Variants in TP53BP1 observed in about 807,000 individuals in gnomAD.
TP53BP1 encodes TP53-binding protein 1.
In TP53BP1, 61 loss-of-function variants were observed where a neutral mutation model predicts 200.8. The ratio of observed to expected loss-of-function variants is 0.30; its 90% CI spans 0.25 to 0.38. TP53BP1 has a LOEUF of 0.38. TP53BP1 is among the 10% of genes least tolerant of loss of function. The pLI, the probability that TP53BP1 is intolerant of heterozygous loss-of-function variation, is 1.00. For synonymous variants in TP53BP1, 822 were observed against 844.3 expected (o/e 0.97, Z 0.46); for missense variants, 2,144 against 2,371.9 (o/e 0.90, Z 2.00).
intron 18 of TP53BP1, among the ~76,000 whole-genome samples, chr15:43,426,916 G>A (rs1290833679): frequency 6.6e-6 from 1 of 151,248 alleles, no homozygotes; most frequent in African/African-American, 2.4e-5. Flanking sequence ...GACTTGGGAG[G>A]CCGAGCCAGG....
intron 26 of TP53BP1, chr15:43,408,302 A>C: frequency 2.0e-6 from 1 of 496,402 alleles, no homozygotes; most frequent in East Asian, 3.6e-5. Flanking sequence ...ATGTGGTGAG[A>C]CCCCATCTCT....
At chr15:43,445,746 G>A (rs562627570) in intron 14 of TP53BP1, among the ~76,000 whole-genome samples, 73 of 151,812 alleles carry the variant, frequency 4.8e-4, no homozygotes, top group Non-Finnish European at 8.8e-4. Context: ...CTGCCTACTC[G>A]CTCCTCAAAT....
rs775096387 is a variant in TP53BP1 at position 43,479,539 on chromosome 15, TA to T, written c.659-14del. 2 of 1,601,384 alleles carry T rather than the reference TA, an allele frequency of 1.2e-6. No homozygotes were observed. The highest frequency in any genetic ancestry group is 2.3e-5 in the South Asian group (2 of 88,312). ...TCATGCTTAATTGCTGAGAGTTTTA[TA>T]AAATGACAGGAAGGAGATAATTAAG... On this transcript the variant is annotated splice_polypyrimidine_tract_variant and intron_variant, in intron 6 of 27. Transcript: ENST00000382044.
chr15:43,477,315 A>G lies in TP53BP1; in HGVS notation c.955+278T>C, dbSNP rs1699393610. On this transcript the variant is annotated intron_variant, in intron 8 of 27. Transcript: ENST00000382044. Reference sequence around the variant, plus strand: ...ACTCCATCTCAAAAAAAAAAAAAAGAAAAAAAGAAAATGGCTAGTATCCAT... The same window carrying G: ...ACTCCATCTCAAAAAAAAAAAAAAGGAAAAAAGAAAATGGCTAGTATCCAT... Among the ~76,000 whole-genome samples the G allele has an allele frequency of 2.0e-5, 3 of 149,854 alleles. No individual in the cohort carries two copies. In the South Asian group the frequency reaches 6.3e-4, roughly 32 times the overall value.
intron 4 of TP53BP1, 132 bp from the exon 5 acceptor site, chr15:43,481,154 GTGCTT>G: frequency 1.1e-6 from 1 of 932,464 alleles, no homozygotes; most frequent in South Asian, 1.9e-5. Context: ...CACCTTTATA[GTGCTT>G]CTTTCTACAA....
At chr15:43,478,970 G>C (rs958129893) in intron 7 of TP53BP1, among the ~76,000 whole-genome samples, 1 of 152,170 alleles carries the variant, frequency 6.6e-6, no homozygotes, top group Non-Finnish European at 1.5e-5. Flanking sequence ...CAGCACTTTG[G>C]GAAGCTGAGG....
chr15:43,488,923 A>G (rs1203540221), intron 4 of TP53BP1, among the ~76,000 whole-genome samples: 1 of 152,156 alleles, frequency 6.6e-6, no homozygotes, highest in African/African-American at 2.4e-5. Context: ...AAGAGATTTC[A>G]TTCTTTTGGA....
intron 4 of TP53BP1, among the ~76,000 whole-genome samples, chr15:43,482,751 T>C (rs757489499): frequency 8.9e-5 from 13 of 146,408 alleles, no homozygotes; most frequent in Non-Finnish European, 1.8e-4. Context: ...CTGGGAGACA[T>C]GGCGAGACTC....
chr15:43,497,125 C>A (rs1281025325), upstream of TP53BP1, among the ~76,000 whole-genome samples: 1 of 152,164 alleles, frequency 6.6e-6, no homozygotes, highest in African/African-American at 2.4e-5. Context: ...CAGCCAGGTG[C>A]GGTAGCTCAA....
At chr15:43,462,126 G>T (rs2046449027) in intron 11 of TP53BP1, among the ~76,000 whole-genome samples, 1 of 142,006 alleles carries the variant, frequency 7.0e-6, no homozygotes. Flanking sequence ...GAGGTCAGGA[G>T]TTCGAGACCA....
chr15:43,407,695 A>G (rs2044956325), intron 27 of TP53BP1, 125 bp from the exon 28 acceptor site: 1 of 934,782 alleles, frequency 1.1e-6, no homozygotes, highest in African/African-American at 1.7e-5. Context: ...TATGTCAAAC[A>G]CACTGCTACT....
chr15:43,479,847 CAT>C lies in TP53BP1; in HGVS notation c.658+10_658+11del. On this transcript the variant is annotated intron_variant, in intron 6 of 27. Coordinates refer to ENST00000382044, the MANE Select transcript of TP53BP1 (RefSeq NM_001141980.3). ...CACAACAACTCCAAATGCCAGAAAA[CAT>C]GTTTCATACCAGTATTAGCATCCAC... The C allele has an allele frequency of 1.2e-6, 2 of 1,613,296 alleles. No individual in the cohort carries two copies. Among genetic ancestry groups the C allele is most frequent in the Non-Finnish European group, 1.7e-6 (2 of 1,179,536 alleles).
chr15:43,445,641 T>G (rs1344081973), intron 14 of TP53BP1, among the ~76,000 whole-genome samples: 2 of 152,128 alleles, frequency 1.3e-5, no homozygotes, highest in Admixed American at 6.5e-5. Flanking sequence ...TACTTGGGAG[T>G]ACTATTATGG....
chr15:43,478,687 G>A (rs779337214), intron 7 of TP53BP1, among the ~76,000 whole-genome samples: 3 of 152,086 alleles, frequency 2.0e-5, no homozygotes, highest in Admixed American at 1.3e-4. Context: ...TACATCTATC[G>A]ATACCATAAA....
At chr15:43,450,768 TACTCACTCTCTCTTTTCCTTCCA>T (rs2046147654) in intron 12 of TP53BP1, among the ~76,000 whole-genome samples, 1 of 152,196 alleles carries the variant, frequency 6.6e-6, no homozygotes. Flanking sequence ...TCCCTCTCTG[TACTCACTCTCTCTTTTCCTTCCA>T]ACTCCCTCTC....
chr15:43,464,375 A>G (rs2140073173), intron 11 of TP53BP1, among the ~76,000 whole-genome samples: 1 of 152,312 alleles, frequency 6.6e-6, no homozygotes, highest in South Asian at 2.1e-4. Flanking sequence ...GAAATTAAAA[A>G]CCCAAGAGTA....
At chr15:43,491,954 A>C in intron 3 of TP53BP1, 48 bp downstream of exon 3, 1 of 1,432,638 alleles carries the variant, frequency 7.0e-7, no homozygotes, top group Non-Finnish European at 9.9e-7. Context: ...AGCACCAACA[A>C]GAGCACCCAA....
intron 17 of TP53BP1, among the ~76,000 whole-genome samples, chr15:43,430,990 G>A (rs1046299240): frequency 6.6e-6 from 1 of 151,972 alleles, no homozygotes; most frequent in African/African-American, 2.4e-5. Flanking sequence ...TTTGGGGTGA[G>A]AGTAAAACAA....
chr15:43,466,640 T>C (rs940696197), intron 11 of TP53BP1, among the ~76,000 whole-genome samples: 1 of 152,190 alleles, frequency 6.6e-6, no homozygotes, highest in Non-Finnish European at 1.5e-5. Context: ...GAGGTCTGCT[T>C]GAGCCCAGTA....
Sources: allele counts gnomAD v4.1 joint callset (sites outside exome capture counted in the v4.1 genomes callset), GRCh38; gene constraint gnomAD v4.1.1; transcripts MANE v1.5; gene names NCBI Gene and HGNC (gene_info 2026-07-23, HGNC 2026-07-21).